The following SPAG16 variants were observed in gnomAD, a reference collection of about 807,000 sequenced individuals.
The protein encoded by SPAG16 is sperm associated antigen 16.
A neutral mutation model predicts 80.4 loss-of-function variants in SPAG16; 86 were observed. The ratio of observed to expected loss-of-function variants is 1.07; its 90% CI spans 0.90 to 1.28. The LOEUF (loss-of-function observed/expected upper bound fraction) is 1.28. Among genes scored for constraint, SPAG16 ranks in the 50% most tolerant of loss-of-function variants. The pLI is 0.00. For missense variants in SPAG16, 870 were observed against 765.3 expected, an observed-to-expected ratio of 1.14 and a Z score of -1.61; for synonymous variants, 294 against 265.9, an observed-to-expected ratio of 1.11 and a Z score of -1.03.
intron 10 of SPAG16, among the ~76,000 whole-genome samples, chr2:213,668,940 G>A (rs956494008): frequency 9.2e-5 from 14 of 152,114 alleles, no homozygotes; most frequent in Admixed American, 2.0e-4. Flanking sequence ...GAGCCACTGC[G>A]CCCGGCCTGA....
At chr2:214,264,171 C>T (rs983914120) in intron 15 of SPAG16, among the ~76,000 whole-genome samples, 6 of 152,206 alleles carry the variant, frequency 3.9e-5, no homozygotes, top group African/African-American at 1.4e-4. Flanking sequence ...TAAATCCATA[C>T]TCCTCCTAAT....
chr2:213,306,572 G>A (rs2062948828), intron 3 of SPAG16, among the ~76,000 whole-genome samples: 1 of 150,562 alleles, frequency 6.6e-6, no homozygotes, highest in Non-Finnish European at 1.5e-5. Context: ...AGTTTATTTA[G>A]TACCCCAGAA....
At chr2:213,654,468 G>A (rs561287971) in intron 10 of SPAG16, among the ~76,000 whole-genome samples, 6 of 150,882 alleles carry the variant, frequency 4.0e-5, no homozygotes, top group African/African-American at 7.3e-5. Context: ...AGGCCAGGGC[G>A]GGTGGATCAC....
At chr2:213,865,673 A>G (rs984127243) in intron 11 of SPAG16, among the ~76,000 whole-genome samples, 14 of 148,194 alleles carry the variant, frequency 9.4e-5, no homozygotes, top group African/African-American at 3.4e-4. Flanking sequence ...CTGAACTTAT[A>G]TATATATAAA....
chr2:213,399,469 C>T (rs771055167), intron 9 of SPAG16, among the ~76,000 whole-genome samples: 16 of 151,834 alleles, frequency 1.1e-4, no homozygotes, highest in Non-Finnish European at 1.9e-4. Context: ...TAAATGTTGC[C>T]ATGGATTTTA....
At chr2:213,907,308 G>A (rs528998498) in intron 11 of SPAG16, among the ~76,000 whole-genome samples, 1 of 152,194 alleles carries the variant, frequency 6.6e-6, no homozygotes, top group South Asian at 2.1e-4. Context: ...TCAGGGAAAT[G>A]CAAATCAAAA....
At chr2:213,593,174 C>T (rs896690965) in intron 10 of SPAG16, among the ~76,000 whole-genome samples, 2 of 152,032 alleles carry the variant, frequency 1.3e-5, no homozygotes, top group African/African-American at 2.4e-5. Context: ...TAAGAAAAAC[C>T]GAGGTGATAC....
At chr2:214,163,510 A>G (rs2056529462) in intron 15 of SPAG16, among the ~76,000 whole-genome samples, 2 of 151,296 alleles carry the variant, frequency 1.3e-5, no homozygotes, top group Non-Finnish European at 3.0e-5. Flanking sequence ...ATGTGTGTGT[A>G]TATATAAGAA....
intron 13 of SPAG16, among the ~76,000 whole-genome samples, chr2:214,107,899 A>T (rs1379298532): frequency 6.6e-6 from 1 of 152,126 alleles, no homozygotes; most frequent in East Asian, 1.9e-4. Flanking sequence ...AGGGCTTGAA[A>T]GCTATGCTAA....
chr2:213,888,344 TC>T (rs1277663224), intron 11 of SPAG16, among the ~76,000 whole-genome samples: 3 of 151,846 alleles, frequency 2.0e-5, no homozygotes, highest in African/African-American at 7.2e-5. Context: ...AGAACTATCC[TC>T]AGCTTGGCCA....
intron 14 of SPAG16, among the ~76,000 whole-genome samples, chr2:214,129,606 T>C (rs969375694): frequency 2.6e-5 from 4 of 152,132 alleles, no homozygotes; most frequent in Non-Finnish European, 4.4e-5. Flanking sequence ...CTTCCTCCTA[T>C]ACAAAATAAA....
At chr2:213,422,228 G>A (rs1192431816) in intron 9 of SPAG16, 3 of 701,650 alleles carry the variant, frequency 4.3e-6, no homozygotes, top group Non-Finnish European at 7.8e-6. Flanking sequence ...CTTTGGGGCT[G>A]TGCAGTTTCA....
At chr2:213,858,037 A>C (rs1452163343) in intron 10 of SPAG16, among the ~76,000 whole-genome samples, 1 of 152,200 alleles carries the variant, frequency 6.6e-6, no homozygotes, top group Non-Finnish European at 1.5e-5. Context: ...TGAATGGATA[A>C]AGAGTTGCTT....
intron 9 of SPAG16, among the ~76,000 whole-genome samples, chr2:213,435,472 C>G (rs754636629): frequency 1.2e-4 from 19 of 152,132 alleles, no homozygotes; most frequent in Middle Eastern, 6.8e-3. Context: ...CTGAAAGGCC[C>G]GACTTCACCT....
At chr2:214,065,553 G>A (rs1220425470) in intron 13 of SPAG16, among the ~76,000 whole-genome samples, 1 of 151,764 alleles carries the variant, frequency 6.6e-6, no homozygotes, top group Non-Finnish European at 1.5e-5. Context: ...CAAATAAAAG[G>A]GATTCAAATT....
intron 10 of SPAG16, among the ~76,000 whole-genome samples, chr2:213,536,297 T>C (rs558939526): frequency 6.6e-6 from 1 of 152,296 alleles, no homozygotes; most frequent in Non-Finnish European, 1.5e-5. Flanking sequence ...ATGGATCAAC[T>C]TAAAATTGCT....
At chr2:213,839,951 A>G (rs2074286642) in intron 10 of SPAG16, among the ~76,000 whole-genome samples, 2 of 152,328 alleles carry the variant, frequency 1.3e-5, no homozygotes, top group South Asian at 4.1e-4. Flanking sequence ...TTAAAAAGGT[A>G]GGAAAAGAAC....
chr2:213,929,597 C>T (rs762870321), intron 11 of SPAG16, among the ~76,000 whole-genome samples: 1 of 151,384 alleles, frequency 6.6e-6, no homozygotes, highest in Non-Finnish European at 1.5e-5. Context: ...TGATTTAGCC[C>T]ATGTCTGAAT....
intron 13 of SPAG16, among the ~76,000 whole-genome samples, chr2:214,086,901 C>G (rs1188660204): frequency 3.3e-5 from 5 of 152,136 alleles, no homozygotes; most frequent in Admixed American, 2.6e-4. Context: ...GCATTTTTAA[C>G]TTTGCAATGC....
Sources: gnomAD v4.1 joint callset for allele counts (sites outside exome capture counted in the v4.1 genomes callset) on GRCh38, gnomAD v4.1.1 for gene constraint, MANE v1.5 for transcripts, NCBI Gene and HGNC (gene_info 2026-07-23, HGNC 2026-07-21) for gene names.